The following LAMC3 variants were observed in gnomAD, a reference collection of about 807,000 sequenced individuals.
The protein encoded by LAMC3 is laminin subunit gamma-3.
In LAMC3, 128 loss-of-function variants were observed where a neutral mutation model predicts 173.8. That is an observed-to-expected ratio of 0.74 (90% confidence interval 0.64 to 0.85). LAMC3 has a LOEUF of 0.85. Ranked by LOEUF, LAMC3 falls within the 40% of genes least tolerant of loss-of-function variation. LAMC3 has a pLI of 0.00. For synonymous variants in LAMC3, 897 were observed against 909.1 expected, an observed-to-expected ratio of 0.99 and a Z score of 0.24; for missense variants, 2,022 against 2,156.0, an observed-to-expected ratio of 0.94 and a Z score of 1.23.
Position 131,092,146 on chromosome 9 carries a change from T to G in LAMC3, c.*359T>G. 4 of 337,104 alleles carry G rather than the reference T, an allele frequency of 1.2e-5. No homozygotes were observed. The highest frequency in any genetic ancestry group is 1.7e-5 in the Non-Finnish European group (3 of 175,046). The allele number at this position is 337,104 out of a possible 1,614,324, so 20.9% of individuals were successfully genotyped here. On this transcript the variant is annotated 3_prime_UTR_variant, in exon 28 of 28. Transcript: ENST00000361069. The stretch of plus-strand genomic sequence containing the variant: ...TCAGCAGCTTACGGTCCACACACAT[T>G]ACAGTCCACAGCTGTTGTGAGAGCC...
chr9:131,065,534 G>A (rs1829916124), intron 13 of LAMC3, among the ~76,000 whole-genome samples: 1 of 152,178 alleles, frequency 6.6e-6, no homozygotes, highest in African/African-American at 2.4e-5. Flanking sequence ...CAATGAAGAG[G>A]GTGAGGAAGA....
rs4740411 is a variant in LAMC3 at position 131,087,466 on chromosome 9, C to T, written c.4231-10C>T. The T allele has an allele frequency of 0.25, 405,876 of 1,613,350 alleles. 53,869 individuals are homozygous for T. Among genetic ancestry groups the T allele is most frequent in the Middle Eastern group, 0.32 (1,929 of 6,056 alleles). On this transcript the variant is annotated splice_polypyrimidine_tract_variant and intron_variant, in intron 25 of 27. Transcript: ENST00000361069. Reference sequence around the variant, plus strand: ...ACTTCTTCTCCCTGCCACTGCCACCCATCCCATAGCTTGCCAAGGCCTTGC... The same window carrying T: ...ACTTCTTCTCCCTGCCACTGCCACCTATCCCATAGCTTGCCAAGGCCTTGC...
At chr9:131,064,054 T>A (rs539324145) in intron 13 of LAMC3, among the ~76,000 whole-genome samples, 1 of 152,186 alleles carries the variant, frequency 6.6e-6, no homozygotes, top group South Asian at 2.1e-4. Context: ...ATTACAGGCA[T>A]GCACCACCAT....
intron 22 of LAMC3, among the ~76,000 whole-genome samples, 179 bp downstream of exon 22, chr9:131,077,513 C>T (rs1830152357): frequency 6.6e-6 from 1 of 151,616 alleles, no homozygotes; most frequent in Non-Finnish European, 1.5e-5. Context: ...CTAGTCTCTA[C>T]TAAAAATACA....
intron 17 of LAMC3, 79 bp from the exon 18 acceptor site, chr9:131,071,405 G>GCGGCAGT (rs1830033253): frequency 6.5e-7 from 1 of 1,537,668 alleles, no homozygotes; most frequent in African/African-American, 1.4e-5. Flanking sequence ...GAGAGTGGCA[G>GCGGCAGT]GGTAGAAGCC....
At chr9:131,090,289 CTG>C (rs1190744868) in intron 27 of LAMC3, among the ~76,000 whole-genome samples, 3 of 152,236 alleles carry the variant, frequency 2.0e-5, no homozygotes, top group South Asian at 2.1e-4. Flanking sequence ...TTGTCACACT[CTG>C]TGTTGGCCTT....
At chr9:131,066,426 G>T (rs2133310580) in intron 13 of LAMC3, among the ~76,000 whole-genome samples, 1 of 152,086 alleles carries the variant, frequency 6.6e-6, no homozygotes, top group East Asian at 1.9e-4. Context: ...AGGAGGCAGA[G>T]GTTGCAGTGA....
rs1164818706 is a variant in LAMC3, at chr9:131,088,093, G to A, written c.4477+276G>A. On this transcript the variant is annotated intron_variant, in intron 27 of 27. Transcript: ENST00000361069. The stretch of plus-strand genomic sequence containing the variant: ...TTTGGGGCAGGGCAGGGGGCACACA[G>A]AAAACTCACCATTGGCAAGAACACC... Among the ~76,000 whole-genome samples the A allele has an allele frequency of 3.9e-5, 6 of 152,188 alleles. No homozygotes were observed. The South Asian group carries it at 1.2e-3, about 32-fold the overall frequency.
chr9:131,047,165 C>CTTTTTTTTTTTTT lies in LAMC3; in HGVS notation c.1519+1510_1519+1522dup, dbSNP rs398012456. On this transcript the variant is annotated intron_variant, in intron 8 of 27. Transcript: ENST00000361069. The stretch of plus-strand genomic sequence containing the variant: ...AAAACTTTTTGGTCTCTGAATTCCT[C>CTTTTTTTTTTTTT]TTTTTTTTTTTTTTTTTAAGACGGA... 1.2e-3 allele frequency among the ~76,000 whole-genome samples: 122 copies of CTTTTTTTTTTTTT among 102,158 alleles called. 15 individuals are homozygous for CTTTTTTTTTTTTT. Among genetic ancestry groups the CTTTTTTTTTTTTT allele is most frequent in the South Asian group, 7.5e-3 (20 of 2,674 alleles). 67.0% of individuals were successfully genotyped at this position (102,158 alleles called of 152,430 possible).
chr9:131,075,993 A>G, intron 21 of LAMC3, 28 bp downstream of exon 21: 1 of 1,581,712 alleles, frequency 6.3e-7, no homozygotes, highest in Non-Finnish European at 8.6e-7. Context: ...GTGGGTAGAA[A>G]CTTTGGGGTT....
intron 27 of LAMC3, among the ~76,000 whole-genome samples, chr9:131,088,701 T>C (rs1022018893): frequency 2.0e-5 from 3 of 152,186 alleles, no homozygotes; most frequent in African/African-American, 4.8e-5. Flanking sequence ...CATCTCCAAC[T>C]GAAGCTCTGT....
rs1359494957 is a variant in LAMC3 at position 131,038,903 on chromosome 9, A to G, written c.1016A>G (p.Asp339Gly). The change falls in exon 5 of 28, where the codon GAT becomes GGT. Residue 339 changes from aspartate to glycine, a missense_variant. By Grantham distance (94) the Asp-to-Gly change is moderately conservative. Transcript: ENST00000361069. ...GGCCGCTCCGAGGAATGCACGTTTG[A>G]TCGGGAGCTCTTCCGCAGCACAGGC... ...CSGRSEECTF[D>G]RELFRSTGHG... 1.2e-6 allele frequency: 2 copies of G among 1,613,246 alleles called. No homozygotes were observed. The highest frequency in any genetic ancestry group is 1.7e-6 in the Non-Finnish European group (2 of 1,180,028).
intron 8 of LAMC3, among the ~76,000 whole-genome samples, chr9:131,048,246 G>A (rs564285454): frequency 5.5e-4 from 84 of 151,958 alleles, no homozygotes; most frequent in Non-Finnish European, 1.0e-3. Flanking sequence ...TAGCAGAGAT[G>A]GGGTTTCGCC....
chr9:131,009,579 T>G lies in LAMC3; in HGVS notation c.365T>G (p.Leu122Arg). 1 of 1,572,030 alleles carries G rather than the reference T, an allele frequency of 6.4e-7. No individual in the cohort carries two copies. Among genetic ancestry groups the G allele is most frequent in the Non-Finnish European group, 8.6e-7 (1 of 1,159,952 alleles). ...TACCCCACCTCGGTCAACATCACCC[T>G]CCGCCTAGGTAAGCGCGGGCTGGGG... ...VQYPTSVNIT[L>R]RLGKAYEITY... The change falls in exon 1 of 28, where the codon CTC becomes CGC. Residue 122 changes from leucine to arginine, a missense_variant. Physicochemically the swap from Leu to Arg is moderately radical, Grantham distance 102 (BLOSUM62 -2). Transcript: ENST00000361069. The surrounding 1 kb of genome is among the most constrained non-coding windows in gnomAD (Gnocchi z 4.3).
At chr9:131,069,401 C>T (rs774133499) in intron 16 of LAMC3, among the ~76,000 whole-genome samples, 3 of 152,196 alleles carry the variant, frequency 2.0e-5, no homozygotes, top group Non-Finnish European at 4.4e-5. Flanking sequence ...GCCTCAGTTT[C>T]CTCACCTGTA....
chr9:131,017,686 T>C (rs1303221288), intron 1 of LAMC3, among the ~76,000 whole-genome samples: 1 of 135,296 alleles, frequency 7.4e-6, no homozygotes, highest in East Asian at 2.2e-4. Context: ...ATCGGGCCAT[T>C]GCACTGCAGC....
chr9:131,061,796 T>C (rs1829831068), intron 13 of LAMC3, among the ~76,000 whole-genome samples: 1 of 152,180 alleles, frequency 6.6e-6, no homozygotes, highest in Non-Finnish European at 1.5e-5. Context: ...ATGCCTGTAA[T>C]CTCAGCACTT....
At chr9:131,039,400 T>C in intron 6 of LAMC3, 152 bp downstream of exon 6, 1 of 718,554 alleles carries the variant, frequency 1.4e-6, no homozygotes, top group Non-Finnish European at 2.4e-6. Flanking sequence ...ACTCAGCTCC[T>C]GGAGAGGCCA....
chr9:131,062,216 C>G lies in LAMC3; in HGVS notation c.2347+993C>G, dbSNP rs544445730. ...CTCTACTAAAAATACGAAAAATTAG[C>G]CAGGCGTGGTGGCGGGCGCCTGTAG... On this transcript the variant is annotated intron_variant, in intron 13 of 27. Coordinates refer to ENST00000361069, the MANE Select transcript of LAMC3 (RefSeq NM_006059.4). Among the ~76,000 whole-genome samples, 7 of 152,006 alleles carry G rather than the reference C, an allele frequency of 4.6e-5. No individual in the cohort carries two copies. The South Asian group carries it at 1.5e-3, about 32-fold the overall frequency.
Sources: allele counts gnomAD v4.1 joint callset (sites outside exome capture counted in the v4.1 genomes callset), GRCh38; gene constraint gnomAD v4.1.1; non-coding constraint Gnocchi (gnomAD v3.1); transcripts MANE v1.5; gene names NCBI Gene and HGNC (gene_info 2026-07-23, HGNC 2026-07-21).